Variants in EBF3 observed in about 807,000 individuals in gnomAD.
EBF3 encodes the protein EBF transcription factor 3.
EBF3 carries 18 observed loss-of-function variants against 77.1 expected under a neutral mutation model. The ratio of observed to expected loss-of-function variants is 0.23; its 90% CI spans 0.16 to 0.35. The LOEUF is 0.35. EBF3 is among the 10% of genes least tolerant of loss of function. The probability of loss-of-function intolerance (pLI) is 1.00; values close to 1 mark genes in which losing one functional copy is unlikely to be tolerated. For missense variants in EBF3, 558 were observed against 860.0 expected, an observed-to-expected ratio of 0.65 and a Z score of 4.39; for synonymous variants, 350 against 343.5, an observed-to-expected ratio of 1.02 and a Z score of -0.21.
intron 6 of EBF3, among the ~76,000 whole-genome samples, chr10:129,892,233 TG>T (rs1321945128): frequency 6.6e-6 from 1 of 152,182 alleles, no homozygotes; most frequent in African/African-American, 2.4e-5. Flanking sequence ...TGAAACTACC[TG>T]GGGCCAGGAG....
Position 129,912,487 on chromosome 10 carries a change from T to C in EBF3, c.555-34638A>G, listed in dbSNP as rs1019903517. Among the ~76,000 whole-genome samples the C allele has an allele frequency of 5.3e-5, 8 of 152,138 alleles. No individual in the cohort carries two copies. The East Asian group carries it at 1.5e-3, about 29-fold the overall frequency. ...CTACAAAGCAGAACTCAAAACATTTTTCATGCATTCTCGGCTTCTCTAGGA... is the reference window on the plus strand; with the variant it reads ...CTACAAAGCAGAACTCAAAACATTTCTCATGCATTCTCGGCTTCTCTAGGA... On this transcript the variant is annotated intron_variant, in intron 6 of 16. Coordinates refer to ENST00000440978, the MANE Select transcript of EBF3 (RefSeq NM_001375380.1).
Position 129,837,771 on chromosome 10 carries a change from G to T in EBF3, c.*172C>A. 1.3e-6 allele frequency: 1 copy of T among 795,856 alleles called. No individual in the cohort carries two copies. Among genetic ancestry groups the T allele is most frequent in the Non-Finnish European group, 2.0e-6 (1 of 499,102 alleles). 49.3% of individuals were successfully genotyped at this position (795,856 alleles called of 1,614,324 possible). Reference sequence around the variant, plus strand: ...GCTGTTTGCATGTTGATTCTTAATAGTTTAAATAAAATCTTTAAACAAAGT... The same window carrying T: ...GCTGTTTGCATGTTGATTCTTAATATTTTAAATAAAATCTTTAAACAAAGT... On this transcript the variant is annotated 3_prime_UTR_variant, in exon 17 of 17. Transcript: ENST00000440978.
In EBF3 at chr10:129,943,142, C is replaced by T. The variant is rs1432927883; in HGVS notation, c.554+14116G>A. Among the ~76,000 whole-genome samples the T allele has an allele frequency of 6.6e-6, 1 of 152,216 alleles. No homozygotes were observed. Among genetic ancestry groups the T allele is most frequent in the African/African-American group, 2.4e-5 (1 of 41,446 alleles). ...CTCAAGAAGCCAACAACTTCCTCCA[C>T]ATAAACAAGGCCCGCCAGAGCCAGA... On this transcript the variant is annotated intron_variant, in intron 6 of 16. Coordinates refer to ENST00000440978, the MANE Select transcript of EBF3 (RefSeq NM_001375380.1). This position sits in a 1 kb window ranked among gnomAD's most constrained non-coding sequence, Gnocchi z 8.8.
At chr10:129,876,710 G>A (rs1014210790) in intron 7 of EBF3, among the ~76,000 whole-genome samples, 24 of 152,106 alleles carry the variant, frequency 1.6e-4, no homozygotes, top group African/African-American at 3.6e-4. Flanking sequence ...TCCATTAGCC[G>A]CCAAATTCTT....
Position 129,894,355 on chromosome 10 carries a change from G to A in EBF3, c.555-16506C>T, listed in dbSNP as rs906914254. ...GGGTGCATTAATTAGTCACAACGAG[G>A]GCTGAGGACTCACTTGTCAACCCTG... On this transcript the variant is annotated intron_variant, in intron 6 of 16. Coordinates refer to ENST00000440978, the MANE Select transcript of EBF3 (RefSeq NM_001375380.1). Among the ~76,000 whole-genome samples the A allele has an allele frequency of 3.1e-4, 47 of 152,296 alleles. 1 individual carries two copies. Among genetic ancestry groups the A allele is most frequent in the Middle Eastern group, 6.8e-3 (2 of 294 alleles).
At chr10:129,887,742 A>C (rs912235956) in intron 6 of EBF3, among the ~76,000 whole-genome samples, 1 of 152,166 alleles carries the variant, frequency 6.6e-6, no homozygotes, top group Admixed American at 6.5e-5. Context: ...ACTGCTCTGG[A>C]ATGAATCATG....
chr10:129,935,595 C>T lies in EBF3; in HGVS notation c.554+21663G>A, dbSNP rs1397409058. On this transcript the variant is annotated intron_variant, in intron 6 of 16. Coordinates refer to ENST00000440978, the MANE Select transcript of EBF3 (RefSeq NM_001375380.1). This position sits in a 1 kb window ranked among gnomAD's most constrained non-coding sequence, Gnocchi z 4.2. ...AGATACATGCACCCCACAAGGCTGG[C>T]GGGCAGCAGGCGGTGCCTCCTGATC... is the stretch of plus-strand genomic sequence containing the variant. Among the ~76,000 whole-genome samples the T allele has an allele frequency of 6.6e-6, 1 of 152,190 alleles. No individual in the cohort carries two copies. Among genetic ancestry groups the T allele is most frequent in the Non-Finnish European group, 1.5e-5 (1 of 68,026 alleles).
intron 6 of EBF3, among the ~76,000 whole-genome samples, chr10:129,928,426 G>A (rs766297452): frequency 1.3e-5 from 2 of 152,072 alleles, no homozygotes; most frequent in African/African-American, 2.4e-5. Flanking sequence ...CTAATTTTAC[G>A]TGGTAAGAAC....
At position 129,885,957 on chromosome 10, in the gene EBF3, G is replaced by A. The variant is rs1375675223; in HGVS notation, c.555-8108C>T. Among the ~76,000 whole-genome samples, 7 of 151,904 alleles carry A rather than the reference G, an allele frequency of 4.6e-5. No individual in the cohort carries two copies. The highest frequency in any genetic ancestry group is 1.9e-4 in the East Asian group (1 of 5,184). On this transcript the variant is annotated intron_variant, in intron 6 of 16. Coordinates refer to ENST00000440978, the MANE Select transcript of EBF3 (RefSeq NM_001375380.1). This position sits in a 1 kb window ranked among gnomAD's most constrained non-coding sequence, Gnocchi z 4.0. ...TGAAGATCACGGGAATGCTTCTTTCGCCATCCTGATTCCTGATGGCTGGGG... is the reference window on the plus strand; with the variant it reads ...TGAAGATCACGGGAATGCTTCTTTCACCATCCTGATTCCTGATGGCTGGGG...
intron 8 of EBF3, among the ~76,000 whole-genome samples, chr10:129,869,360 T>C (rs1852250238): frequency 6.6e-6 from 1 of 152,138 alleles, no homozygotes; most frequent in Admixed American, 6.5e-5. Context: ...CTAAGCTTGG[T>C]AAACAATTAG....
Position 129,952,961 on chromosome 10 carries a change from A to G in EBF3, c.554+4297T>C, listed in dbSNP as rs1183007636. ...AGTCAATCCCATGAATAATTCAGTG[A>G]GCAGGACTGCCAGCAAAGGTCGGCT... On this transcript the variant is annotated intron_variant, in intron 6 of 16. Coordinates refer to ENST00000440978, the MANE Select transcript of EBF3 (RefSeq NM_001375380.1). This position sits in a 1 kb window ranked among gnomAD's most constrained non-coding sequence, Gnocchi z 4.7. Among the ~76,000 whole-genome samples, 1 of 151,602 alleles carries G rather than the reference A, an allele frequency of 6.6e-6. No individual in the cohort carries two copies. Among genetic ancestry groups the G allele is most frequent in the Non-Finnish European group, 1.5e-5 (1 of 67,922 alleles).
chr10:129,912,119 T>C (rs1855566174), intron 6 of EBF3, among the ~76,000 whole-genome samples: 1 of 151,992 alleles, frequency 6.6e-6, no homozygotes, highest in African/African-American at 2.4e-5. Context: ...AGTACAAAAG[T>C]TGGGGGAGGT....
intron 11 of EBF3, among the ~76,000 whole-genome samples, chr10:129,845,151 G>A (rs1194803198): frequency 6.6e-6 from 1 of 152,184 alleles, no homozygotes; most frequent in Non-Finnish European, 1.5e-5. Flanking sequence ...CTGCTCTTAA[G>A]TGGTGGTCTT....
At position 129,879,460 on chromosome 10, in the gene EBF3, C is replaced by T. The variant is rs779983580; in HGVS notation, c.555-1611G>A. ...AATATCAGAAAATGAAAACACTCAA[C>T]GGACCAAGACTCATCTAAGTGCCCC... On this transcript the variant is annotated intron_variant, in intron 6 of 16. Coordinates refer to ENST00000440978, the MANE Select transcript of EBF3 (RefSeq NM_001375380.1). This position sits in a 1 kb window ranked among gnomAD's most constrained non-coding sequence, Gnocchi z 4.7. Among the ~76,000 whole-genome samples, 12 of 152,292 alleles carry T rather than the reference C, an allele frequency of 7.9e-5. No individual in the cohort carries two copies. The highest frequency in any genetic ancestry group is 2.4e-4 in the African/African-American group (10 of 41,556).
chr10:129,841,017 T>C lies in EBF3; in HGVS notation c.1388A>G (p.Asn463Ser), dbSNP rs764814929. ...QANDQVGYSRNTSSVSPRGYV... is the reference protein window; with the variant it reads ...QANDQVGYSRSTSSVSPRGYV... ...GCCTCGCGGGGACACGCTGCTTGTA[T>C]TGCGACTGTAGCCGACTGTTGAAAT... Residue 463 changes from asparagine (N) to serine (S), a missense_variant, in exon 14 of 17, where the codon AAT becomes AGT. Asn to Ser is a conservative substitution (Grantham distance 46). This residue lies in a region of EBF3 where 284 missense variants were observed against 368.3 expected (regional missense o/e 0.77). Coordinates refer to ENST00000440978, the MANE Select transcript of EBF3 (RefSeq NM_001375380.1). This position sits in a 1 kb window ranked among gnomAD's most constrained non-coding sequence, Gnocchi z 4.6. The C allele has an allele frequency of 1.9e-6, 3 of 1,607,302 alleles. No homozygotes were observed. The highest frequency in any genetic ancestry group is 2.2e-5 in the South Asian group (2 of 90,612).
At chr10:129,889,583 G>C (rs1402560792) in intron 6 of EBF3, among the ~76,000 whole-genome samples, 2 of 152,180 alleles carry the variant, frequency 1.3e-5, no homozygotes. Context: ...CACATTCCCA[G>C]TGAGTTCCAC....
At position 129,836,486 on chromosome 10, in the gene EBF3, G is replaced by A. The variant is rs1001549295; in HGVS notation, c.*1457C>T. On this transcript the variant is annotated 3_prime_UTR_variant, in exon 17 of 17. Transcript: ENST00000440978. The stretch of plus-strand genomic sequence containing the variant: ...GAATCTACTAGGATTTGTCACGGCC[G>A]GGTGGCACCGATTTGTTTTGACTAT... 32 of 152,502 alleles carry A rather than the reference G, an allele frequency of 2.1e-4. No homozygotes were observed. Among genetic ancestry groups the A allele is most frequent in the Admixed American group, 1.8e-3 (28 of 15,268 alleles). 9.4% of individuals were successfully genotyped at this position (152,502 alleles called of 1,614,324 possible).
At chr10:129,959,049 G>C in intron 4 of EBF3, 42 bp from the exon 5 acceptor site, 2 of 1,595,154 alleles carry the variant, frequency 1.3e-6, no homozygotes, top group Non-Finnish European at 1.7e-6. Context: ...CGCGGCGCCC[G>C]CGGCTTTGGC....
At chr10:129,926,013 AAC>A (rs1343450223) in intron 6 of EBF3, among the ~76,000 whole-genome samples, 1 of 152,216 alleles carries the variant, frequency 6.6e-6, no homozygotes, top group Non-Finnish European at 1.5e-5. Context: ...TTGAACAAGA[AAC>A]ACAAAGTGGG....
Sources: gnomAD v4.1 joint callset for allele counts (sites outside exome capture counted in the v4.1 genomes callset) on GRCh38, gnomAD v4.1.1 for gene constraint, gnomAD v4.1.1 regional missense constraint, Gnocchi (gnomAD v3.1) non-coding constraint, MANE v1.5 for transcripts, NCBI Gene and HGNC (gene_info 2026-07-23, HGNC 2026-07-21) for gene names.